RABGAP1L: variants seen among roughly 807,000 people sequenced by gnomAD.
The protein encoded by RABGAP1L is RAB GTPase activating protein 1 like, also known as rab GTPase-activating protein 1-like.
A neutral mutation model predicts 137.7 loss-of-function variants in RABGAP1L; 63 were observed. That is an observed-to-expected ratio of 0.46 (90% confidence interval 0.37 to 0.56). The LOEUF (loss-of-function observed/expected upper bound fraction) is 0.56. RABGAP1L is among the 20% of genes least tolerant of loss of function. RABGAP1L has a pLI of 0.00. For missense variants in RABGAP1L, 1,095 were observed against 1,244.0 expected, an observed-to-expected ratio of 0.88 and a Z score of 1.80; for synonymous variants, 431 against 433.7, an observed-to-expected ratio of 0.99 and a Z score of 0.08.
intron 13 of RABGAP1L, among the ~76,000 whole-genome samples, chr1:174,461,464 G>GT (rs1053692443): frequency 6.6e-6 from 1 of 152,160 alleles, no homozygotes; most frequent in African/African-American, 2.4e-5. Flanking sequence ...GGTCTGTACT[G>GT]TTTCTCTTCT....
intron 18 of RABGAP1L, among the ~76,000 whole-genome samples, chr1:174,780,718 C>T (rs1395853106): frequency 2.6e-5 from 3 of 115,036 alleles, no homozygotes; most frequent in Non-Finnish European, 5.3e-5. Context: ...TCCCTCCCCC[C>T]CACCCCCCCA....
At chr1:174,642,598 C>T (rs898054528) in intron 14 of RABGAP1L, among the ~76,000 whole-genome samples, 5 of 152,098 alleles carry the variant, frequency 3.3e-5, no homozygotes, top group African/African-American at 1.2e-4. Flanking sequence ...TGAATGAGCC[C>T]TAGTTGAAAT....
At chr1:174,222,930 G>A (rs1396951592) in intron 3 of RABGAP1L, among the ~76,000 whole-genome samples, 1 of 152,006 alleles carries the variant, frequency 6.6e-6, no homozygotes, top group African/African-American at 2.4e-5. Context: ...GAAGTCAGGA[G>A]TTTGAGACCA....
chr1:174,323,125 G>A (rs769136732), intron 11 of RABGAP1L, among the ~76,000 whole-genome samples: 13 of 152,078 alleles, frequency 8.5e-5, no homozygotes, highest in South Asian at 2.1e-4. Context: ...CAGTTTTCAC[G>A]TCTGTCCTAC....
chr1:174,743,198 A>G (rs959928324), intron 17 of RABGAP1L, among the ~76,000 whole-genome samples: 6 of 152,152 alleles, frequency 3.9e-5, no homozygotes, highest in Non-Finnish European at 5.9e-5. Flanking sequence ...CAGGGAAGAG[A>G]TATAGCAATA....
At chr1:174,629,571 G>T (rs540592960) in intron 13 of RABGAP1L, among the ~76,000 whole-genome samples, 1 of 152,210 alleles carries the variant, frequency 6.6e-6, no homozygotes, top group East Asian at 1.9e-4. Context: ...GTCTCGCTCT[G>T]TCGCCCAGTG....
At position 174,179,173 on chromosome 1, in the gene RABGAP1L, A is replaced by AT. The variant is rs926521820; in HGVS notation, c.-34+19527dup. ...GATCCTCTTGCCTTAGCCTAAGCTG[A>AT]TTTTTTTTTTTGCTTGAAGCTAAAA... On this transcript the variant is annotated intron_variant, in intron 1 of 25. Coordinates refer to ENST00000681986, the MANE Select transcript of RABGAP1L (RefSeq NM_001366446.1). Among the ~76,000 whole-genome samples, 845 of 147,450 alleles carry AT rather than the reference A, an allele frequency of 5.7e-3. 4 individuals carry two copies. Among genetic ancestry groups the AT allele is most frequent in the Non-Finnish European group, 8.6e-3 (570 of 66,462 alleles).
intron 13 of RABGAP1L, among the ~76,000 whole-genome samples, chr1:174,517,838 T>C (rs1368275715): frequency 6.6e-6 from 1 of 152,206 alleles, no homozygotes; most frequent in Non-Finnish European, 1.5e-5. Flanking sequence ...ACATAGTTCT[T>C]TATATTTTCA....
intron 18 of RABGAP1L, among the ~76,000 whole-genome samples, chr1:174,760,826 C>A (rs114167239): frequency 9.5e-4 from 144 of 152,312 alleles, no homozygotes; most frequent in African/African-American, 3.3e-3. Context: ...CACCCTCACC[C>A]AGCATCTGTT....
chr1:174,810,623 T>A (rs190105727), intron 18 of RABGAP1L, among the ~76,000 whole-genome samples: 1 of 152,304 alleles, frequency 6.6e-6, no homozygotes, highest in Admixed American at 6.5e-5. Flanking sequence ...TGTTGAAGTT[T>A]TTGACTATTA....
intron 13 of RABGAP1L, among the ~76,000 whole-genome samples, chr1:174,543,345 G>A (rs971698445): frequency 7.9e-6 from 1 of 127,092 alleles, no homozygotes; most frequent in African/African-American, 4.2e-5. Context: ...TCACCATTAT[G>A]TAATGGCCTT....
At chr1:174,919,127 T>C (rs1449065342) in intron 19 of RABGAP1L, among the ~76,000 whole-genome samples, 2 of 151,736 alleles carry the variant, frequency 1.3e-5, no homozygotes, top group Admixed American at 6.6e-5. Flanking sequence ...CAAGTGATTC[T>C]CCCGCCTCAG....
intron 19 of RABGAP1L, among the ~76,000 whole-genome samples, chr1:174,917,580 A>G (rs1004168855): frequency 6.6e-6 from 1 of 152,200 alleles, no homozygotes. Context: ...CTGCAGATCT[A>G]AGCTGCACTA....
chr1:174,909,220 A>G (rs553932306), intron 19 of RABGAP1L, among the ~76,000 whole-genome samples: 1 of 151,518 alleles, frequency 6.6e-6, no homozygotes, highest in South Asian at 2.1e-4. Context: ...ATTTTTTAAA[A>G]GGTTTTTTTT....
chr1:174,226,252 G>T (rs1670166422), intron 3 of RABGAP1L, among the ~76,000 whole-genome samples: 1 of 152,106 alleles, frequency 6.6e-6, no homozygotes, highest in Admixed American at 6.6e-5. Flanking sequence ...CTCCACTCTG[G>T]CTGTTCCTAT....
intron 13 of RABGAP1L, among the ~76,000 whole-genome samples, chr1:174,634,948 G>C (rs1358438846): frequency 6.8e-6 from 1 of 147,406 alleles, no homozygotes; most frequent in Non-Finnish European, 1.5e-5. Context: ...ACGAGTTAGT[G>C]GGTGCAGCGC....
chr1:174,395,658 G>C (rs1270616515), intron 13 of RABGAP1L, among the ~76,000 whole-genome samples: 1 of 151,998 alleles, frequency 6.6e-6, no homozygotes, highest in Non-Finnish European at 1.5e-5. Flanking sequence ...ATTGTTAAAA[G>C]CATATAAACA....
chr1:174,321,959 T>G (rs1171647594), intron 11 of RABGAP1L, among the ~76,000 whole-genome samples: 1 of 151,592 alleles, frequency 6.6e-6, no homozygotes, highest in Non-Finnish European at 1.5e-5. Context: ...TCTTACTGAT[T>G]TATTAGAGTT....
chr1:174,530,506 G>A (rs192438708), intron 13 of RABGAP1L, among the ~76,000 whole-genome samples: 7 of 152,136 alleles, frequency 4.6e-5, no homozygotes, highest in Non-Finnish European at 5.9e-5. Flanking sequence ...GGACTGAGGG[G>A]TTCTCCCAAA....
Sources: allele counts gnomAD v4.1 joint callset (sites outside exome capture counted in the v4.1 genomes callset), GRCh38; gene constraint gnomAD v4.1.1; transcripts MANE v1.5; gene names NCBI Gene and HGNC (gene_info 2026-07-23, HGNC 2026-07-21).